The following CCDC91 variants were observed in gnomAD, a reference collection of about 807,000 sequenced individuals.
CCDC91 encodes the protein coiled-coil domain-containing protein 91.
Under a neutral mutation model 63.2 loss-of-function variants are expected in CCDC91, and 48 were observed. The observed-to-expected ratio is 0.76, with a 90% CI of 0.60 to 0.97. The LOEUF (loss-of-function observed/expected upper bound fraction) is 0.97. CCDC91 is among the 50% of genes least tolerant of loss of function. CCDC91 has a pLI of 0.00. For missense variants in CCDC91, 500 were observed against 494.6 expected (o/e 1.01, Z -0.10); for synonymous variants, 167 against 165.8 (o/e 1.01, Z -0.06).
At chr12:28,246,869 T>C (rs1428059896) in intron 1 of CCDC91, among the ~76,000 whole-genome samples, 2 of 152,112 alleles carry the variant, frequency 1.3e-5, no homozygotes, top group Non-Finnish European at 2.9e-5. Context: ...CCTGGATGGA[T>C]TAAAGAAGGA....
chr12:28,441,322 A>C (rs375459584), intron 8 of CCDC91, among the ~76,000 whole-genome samples: 38 of 152,084 alleles, frequency 2.5e-4, no homozygotes, highest in Non-Finnish European at 4.6e-4. Flanking sequence ...AAAAGATTTG[A>C]CAGTTTTTTA....
intron 3 of CCDC91, among the ~76,000 whole-genome samples, chr12:28,295,536 T>C (rs555564096): frequency 5.4e-4 from 82 of 152,186 alleles, no homozygotes; most frequent in African/African-American, 1.9e-3. Flanking sequence ...TTATTTATTT[T>C]TTATTATTTT....
chr12:28,287,674 G>A (rs11049504), intron 3 of CCDC91, among the ~76,000 whole-genome samples: 1 of 151,942 alleles, frequency 6.6e-6, no homozygotes, highest in Non-Finnish European at 1.5e-5. Context: ...TCTTTGCTTA[G>A]GATTGCTTTG....
At chr12:28,404,954 A>C (rs1946843895) in intron 8 of CCDC91, among the ~76,000 whole-genome samples, 1 of 151,974 alleles carries the variant, frequency 6.6e-6, no homozygotes, top group Non-Finnish European at 1.5e-5. Context: ...TCTGTCTTTT[A>C]ATTGGTGTTT....
chr12:28,354,822 G>A (rs1217951274), intron 6 of CCDC91, among the ~76,000 whole-genome samples: 10 of 152,082 alleles, frequency 6.6e-5, no homozygotes, highest in African/African-American at 1.4e-4. Context: ...TATTGATCGG[G>A]ACGTTTGTAG....
intron 8 of CCDC91, among the ~76,000 whole-genome samples, chr12:28,448,141 T>C (rs1422960357): frequency 2.0e-5 from 3 of 152,072 alleles, no homozygotes; most frequent in African/African-American, 7.2e-5. Context: ...AATGATTATA[T>C]AGGGTAGGAT....
At chr12:28,418,725 C>T (rs1419590131) in intron 8 of CCDC91, among the ~76,000 whole-genome samples, 2 of 151,882 alleles carry the variant, frequency 1.3e-5, no homozygotes, top group African/African-American at 2.4e-5. Context: ...AAGAAAGGAT[C>T]GGGCCAAAAA....
intron 3 of CCDC91, among the ~76,000 whole-genome samples, chr12:28,261,004 A>AG (rs994960252): frequency 2.6e-5 from 4 of 151,994 alleles, no homozygotes; most frequent in African/African-American, 9.7e-5. Flanking sequence ...TTAGGGATGA[A>AG]GTGTATTCTT....
chr12:28,306,287 A>G (rs1938718197), intron 4 of CCDC91, among the ~76,000 whole-genome samples: 1 of 152,092 alleles, frequency 6.6e-6, no homozygotes, highest in Admixed American at 6.6e-5. Context: ...CAATTTCTAA[A>G]GTGCTGTACA....
At chr12:28,287,920 C>G (rs776835663) in intron 3 of CCDC91, among the ~76,000 whole-genome samples, 3 of 152,108 alleles carry the variant, frequency 2.0e-5, no homozygotes, top group Non-Finnish European at 4.4e-5. Flanking sequence ...TCTTTCACCT[C>G]CTTGGTTAGC....
intron 12 of CCDC91, among the ~76,000 whole-genome samples, chr12:28,512,281 C>T (rs1405911621): frequency 6.6e-6 from 1 of 151,764 alleles, no homozygotes; most frequent in Non-Finnish European, 1.5e-5. Context: ...TTTTTTTTCC[C>T]CTTTTCCCAA....
intron 3 of CCDC91, among the ~76,000 whole-genome samples, chr12:28,292,836 G>A (rs1236262173): frequency 3.9e-5 from 6 of 151,972 alleles, no homozygotes; most frequent in East Asian, 1.9e-4. Context: ...TGTACACTTG[G>A]GCAAAGTGCC....
At chr12:28,457,687 T>C (rs1169559477) in intron 11 of CCDC91, among the ~76,000 whole-genome samples, 1 of 151,818 alleles carries the variant, frequency 6.6e-6, no homozygotes, top group African/African-American at 2.4e-5. Flanking sequence ...TTGAGAGATG[T>C]TTTCCTTTGG....
intron 1 of CCDC91, among the ~76,000 whole-genome samples, chr12:28,224,272 C>A (rs1453092751): frequency 6.6e-6 from 1 of 152,096 alleles, no homozygotes; most frequent in Non-Finnish European, 1.5e-5. Flanking sequence ...GCTTTACCAA[C>A]AATTTATTAA....
At chr12:28,278,426 G>A (rs1258709547) in intron 3 of CCDC91, among the ~76,000 whole-genome samples, 1 of 151,892 alleles carries the variant, frequency 6.6e-6, no homozygotes, top group South Asian at 2.1e-4. Flanking sequence ...CTTCTTTGGA[G>A]CCTTCCTGCC....
In CCDC91 at chr12:28,353,089, C is replaced by G. The variant is rs1943289279; in HGVS notation, c.577-9349C>G. ...CGCAGTTCTACATCAGTACTTGCTG[C>G]TTCACCTGACATTTTTATCTTATGG... On this transcript the variant is annotated intron_variant, in intron 6 of 12. Coordinates refer to ENST00000536442, the MANE Select transcript of CCDC91 (RefSeq NM_018318.5). 2.0e-5 allele frequency among the ~76,000 whole-genome samples: 3 copies of G among 152,352 alleles called. No homozygotes were observed. The South Asian group carries it at 6.2e-4, about 32-fold the overall frequency.
chr12:28,435,012 C>T (rs2140133482), intron 8 of CCDC91, among the ~76,000 whole-genome samples: 1 of 151,692 alleles, frequency 6.6e-6, no homozygotes, highest in East Asian at 1.9e-4. Flanking sequence ...GCAATTTGTG[C>T]CGTCTCTCTT....
intron 8 of CCDC91, among the ~76,000 whole-genome samples, chr12:28,423,442 T>A (rs1948127042): frequency 6.6e-6 from 1 of 152,088 alleles, no homozygotes; most frequent in Non-Finnish European, 1.5e-5. Context: ...ACCACATATA[T>A]CAATGTATGG....
chr12:28,407,955 T>C (rs1565925625), intron 8 of CCDC91, among the ~76,000 whole-genome samples: 1 of 115,362 alleles, frequency 8.7e-6, no homozygotes. Context: ...TATATACATA[T>C]ATATATATAT....
Sources: gnomAD v4.1 joint callset for allele counts (sites outside exome capture counted in the v4.1 genomes callset) on GRCh38, gnomAD v4.1.1 for gene constraint, MANE v1.5 for transcripts, NCBI Gene and HGNC (gene_info 2026-07-23, HGNC 2026-07-21) for gene names.